The following SPAG16 variants were observed in gnomAD, a reference collection of about 807,000 sequenced individuals.
SPAG16 encodes the protein sperm-associated antigen 16 protein.
SPAG16 carries 86 observed loss-of-function variants against 80.4 expected under a neutral mutation model. The ratio of observed to expected loss-of-function variants is 1.07; its 90% CI spans 0.90 to 1.28. SPAG16 has a LOEUF of 1.28. Among genes scored for constraint, SPAG16 ranks in the 50% most tolerant of loss-of-function variants. The pLI is 0.00. For synonymous variants in SPAG16, 294 were observed against 265.9 expected (o/e 1.11, Z -1.03); for missense variants, 870 against 765.3 (o/e 1.14, Z -1.61).
At position 214,172,007 on chromosome 2, in the gene SPAG16, C is replaced by CAGA. The variant is rs1165309518; in HGVS notation, c.1720+22741_1720+22742insAGA. On this transcript the variant is annotated intron_variant, in intron 15 of 15. Transcript: ENST00000331683. ...CTGAGACAAGATCAGCTAAAATCTA[C>CAGA]TTATTTAACAAAAATATCTAACATA... 5.3e-5 allele frequency among the ~76,000 whole-genome samples: 8 copies of CAGA among 151,858 alleles called. No individual in the cohort carries two copies. In the South Asian group the frequency reaches 8.3e-4, roughly 16 times the overall value.
chr2:214,101,236 G>GT (rs1447647240), intron 13 of SPAG16, among the ~76,000 whole-genome samples: 1 of 151,918 alleles, frequency 6.6e-6, no homozygotes, highest in Non-Finnish European at 1.5e-5. Context: ...TATACATAGG[G>GT]TTCACGGTCA....
At chr2:213,552,214 A>T (rs554578431) in intron 10 of SPAG16, among the ~76,000 whole-genome samples, 1 of 152,204 alleles carries the variant, frequency 6.6e-6, no homozygotes, top group Non-Finnish European at 1.5e-5. Flanking sequence ...CTGCTTTAGT[A>T]TACAGACACT....
chr2:213,633,283 T>G (rs888296376), intron 10 of SPAG16, among the ~76,000 whole-genome samples: 7 of 152,180 alleles, frequency 4.6e-5, no homozygotes. Flanking sequence ...CCACTAATGA[T>G]CTTTTGAATT....
At chr2:213,960,878 A>C (rs2044381485) in intron 12 of SPAG16, among the ~76,000 whole-genome samples, 1 of 152,164 alleles carries the variant, frequency 6.6e-6, no homozygotes, top group Non-Finnish European at 1.5e-5. Context: ...ATAGTCAGCC[A>C]CTTCTTTCTC....
At chr2:214,059,236 A>G (rs1156302163) in intron 13 of SPAG16, among the ~76,000 whole-genome samples, 2 of 119,878 alleles carry the variant, frequency 1.7e-5, no homozygotes, top group Non-Finnish European at 3.5e-5. Flanking sequence ...ATATATATAT[A>G]TATATGTATG....
intron 15 of SPAG16, among the ~76,000 whole-genome samples, chr2:214,351,880 G>C (rs1311376441): frequency 6.6e-6 from 1 of 152,038 alleles, no homozygotes; most frequent in Non-Finnish European, 1.5e-5. Flanking sequence ...GAGTCTCTTA[G>C]TCTGTTTGGT....
At chr2:213,681,836 G>A (rs1353193000) in intron 10 of SPAG16, among the ~76,000 whole-genome samples, 1 of 152,022 alleles carries the variant, frequency 6.6e-6, no homozygotes, top group Admixed American at 6.6e-5. Context: ...ATCAGCCTTG[G>A]CTTTTCCCTC....
chr2:214,298,131 C>CACAT (rs1553548660), intron 15 of SPAG16, among the ~76,000 whole-genome samples: 100 of 144,398 alleles, frequency 6.9e-4, no homozygotes, highest in South Asian at 3.5e-3. Context: ...CACACACACA[C>CACAT]ACATACACAT....
intron 13 of SPAG16, among the ~76,000 whole-genome samples, chr2:214,069,910 G>A (rs2050709030): frequency 6.6e-6 from 1 of 152,068 alleles, no homozygotes; most frequent in South Asian, 2.1e-4. Flanking sequence ...GCAAGGCCAG[G>A]AGCTTCTCAC....
chr2:213,475,941 G>C (rs769606820), intron 9 of SPAG16, among the ~76,000 whole-genome samples: 5 of 152,166 alleles, frequency 3.3e-5, no homozygotes, highest in Admixed American at 1.3e-4. Context: ...GGTGGGAAAA[G>C]AAACAACTTA....
At chr2:214,078,390 A>C (rs2051191055) in intron 13 of SPAG16, among the ~76,000 whole-genome samples, 1 of 151,824 alleles carries the variant, frequency 6.6e-6, no homozygotes, top group African/African-American at 2.4e-5. Flanking sequence ...CCATATCTAC[A>C]AATAATAAAA....
chr2:213,772,926 TA>T (rs375671404), intron 10 of SPAG16, among the ~76,000 whole-genome samples: 69 of 152,306 alleles, frequency 4.5e-4, no homozygotes, highest in African/African-American at 1.6e-3. Context: ...TATCTTTCAT[TA>T]AATTGGTCCC....
At chr2:213,791,203 T>C (rs553917390) in intron 10 of SPAG16, among the ~76,000 whole-genome samples, 5 of 152,072 alleles carry the variant, frequency 3.3e-5, no homozygotes, top group Non-Finnish European at 7.4e-5. Context: ...CAAGGCTTCT[T>C]TACAAATCCA....
intron 10 of SPAG16, among the ~76,000 whole-genome samples, chr2:213,771,146 C>A (rs1402485494): frequency 1.1e-4 from 16 of 152,120 alleles, no homozygotes; most frequent in Admixed American, 7.9e-4. Context: ...TTTTAATTAT[C>A]ACCATTCTGA....
intron 9 of SPAG16, among the ~76,000 whole-genome samples, chr2:213,397,965 A>G (rs558001664): frequency 6.6e-6 from 1 of 152,188 alleles, no homozygotes; most frequent in South Asian, 2.1e-4. Context: ...CTTCATTTCA[A>G]TTATCTCCCC....
intron 10 of SPAG16, among the ~76,000 whole-genome samples, chr2:213,536,488 CTGT>C (rs1305724333): frequency 5.3e-5 from 8 of 152,160 alleles, no homozygotes; most frequent in Non-Finnish European, 8.8e-5. Context: ...TCTCCAGCAC[CTGT>C]TGTTTCCTGA....
At chr2:213,342,364 CATATAT>C (rs1466315804) in intron 6 of SPAG16, among the ~76,000 whole-genome samples, 2 of 132,174 alleles carry the variant, frequency 1.5e-5, no homozygotes, top group African/African-American at 5.9e-5. Context: ...ATATATATTA[CATATAT>C]ATGTATTATA....
At chr2:213,394,492 A>G (rs2067936014) in intron 9 of SPAG16, among the ~76,000 whole-genome samples, 1 of 152,138 alleles carries the variant, frequency 6.6e-6, no homozygotes, top group African/African-American at 2.4e-5. Context: ...ATAATATAGT[A>G]TCAAGATTAG....
intron 9 of SPAG16, among the ~76,000 whole-genome samples, chr2:213,459,063 T>G (rs1190083160): frequency 6.6e-6 from 1 of 152,186 alleles, no homozygotes; most frequent in Non-Finnish European, 1.5e-5. Flanking sequence ...TTTGAAGAAT[T>G]TCTCCCCTTT....
Sources: gnomAD v4.1 joint callset for allele counts (sites outside exome capture counted in the v4.1 genomes callset) on GRCh38, gnomAD v4.1.1 for gene constraint, MANE v1.5 for transcripts, NCBI Gene and HGNC (gene_info 2026-07-23, HGNC 2026-07-21) for gene names.